MBOAT1: variants seen among roughly 807,000 people sequenced by gnomAD.
MBOAT1 encodes the protein membrane bound glycerophospholipid O-acyltransferase 1, also known as membrane-bound glycerophospholipid O-acyltransferase 1.
In MBOAT1, 67 loss-of-function variants were observed where a neutral mutation model predicts 64.4. The observed-to-expected ratio is 1.04, with a 90% CI of 0.85 to 1.27. The LOEUF is 1.27. Ranked by LOEUF, MBOAT1 falls within the 50% of genes most tolerant of loss-of-function variation. The pLI is 0.00. For missense variants in MBOAT1, 563 were observed against 604.6 expected, an observed-to-expected ratio of 0.93 and a Z score of 0.72; for synonymous variants, 229 against 218.9, an observed-to-expected ratio of 1.05 and a Z score of -0.41.
At chr6:20,150,706 G>A (rs1427144219) in intron 3 of MBOAT1, among the ~76,000 whole-genome samples, 1 of 150,226 alleles carries the variant, frequency 6.7e-6, no homozygotes, top group Non-Finnish European at 1.5e-5. Context: ...TGGGACTATA[G>A]GTGCGCACCA....
intron 3 of MBOAT1, among the ~76,000 whole-genome samples, chr6:20,149,626 T>C (rs1399874429): frequency 6.6e-6 from 1 of 152,132 alleles, no homozygotes; most frequent in Non-Finnish European, 1.5e-5. Context: ...CTAGAAGAAG[T>C]GACACTATCC....
Position 20,155,000 on chromosome 6 carries a change from A to T in MBOAT1, c.100-2231T>A, listed in dbSNP as rs574192363. On this transcript the variant is annotated intron_variant, in intron 1 of 12. Coordinates refer to ENST00000324607, the MANE Select transcript of MBOAT1 (RefSeq NM_001080480.3). The stretch of plus-strand genomic sequence containing the variant: ...AAAGTTATAATAAGTGACAGATCAC[A>T]TGTTCTTTCATTCTCACAGCCCAGC... Among the ~76,000 whole-genome samples, 4 of 152,356 alleles carry T rather than the reference A, an allele frequency of 2.6e-5. No individual in the cohort carries two copies. The East Asian group carries it at 7.7e-4, about 29-fold the overall frequency.
intron 1 of MBOAT1, among the ~76,000 whole-genome samples, chr6:20,160,299 C>T (rs1304642493): frequency 2.0e-5 from 3 of 152,180 alleles, no homozygotes; most frequent in Non-Finnish European, 4.4e-5. Flanking sequence ...AAAAACACTG[C>T]CTTTCTCCTA....
intron 4 of MBOAT1, among the ~76,000 whole-genome samples, chr6:20,133,800 T>C (rs958183645): frequency 3.3e-4 from 51 of 152,292 alleles, no homozygotes; most frequent in Middle Eastern, 3.4e-3. Flanking sequence ...GCAAAACATT[T>C]AGTAGCCTGA....
intron 1 of MBOAT1, among the ~76,000 whole-genome samples, chr6:20,182,162 A>G: frequency 6.6e-6 from 1 of 152,346 alleles, no homozygotes; most frequent in Non-Finnish European, 1.5e-5. Flanking sequence ...ATAACAAAAT[A>G]CCTTAGACTA....
At chr6:20,115,577 A>G (rs984367937) in intron 9 of MBOAT1, among the ~76,000 whole-genome samples, 22 of 152,290 alleles carry the variant, frequency 1.4e-4, no homozygotes, top group African/African-American at 5.3e-4. Context: ...TTTTTTTTCA[A>G]CATGTATTTT....
intron 1 of MBOAT1, among the ~76,000 whole-genome samples, chr6:20,171,382 TAAAAAAA>T (rs34821586): frequency 2.6e-5 from 3 of 113,310 alleles, no homozygotes; most frequent in African/African-American, 6.8e-5. Context: ...ACAAAAAACT[TAAAAAAA>T]AAAAAAAAAA....
In MBOAT1 at chr6:20,134,043, A is replaced by G. The variant is rs1030277021; in HGVS notation, c.420-2844T>C. ...ATTCAAGGACTCTACTGAATTTGCC[A>G]AAACTGTCTTAGAACTGCACTCCAA... On this transcript the variant is annotated intron_variant, in intron 4 of 12. Transcript: ENST00000324607. Among the ~76,000 whole-genome samples the G allele has an allele frequency of 2.6e-5, 4 of 152,212 alleles. No individual in the cohort carries two copies. The East Asian group carries it at 7.7e-4, about 29-fold the overall frequency.
At chr6:20,155,740 A>G (rs992638332) in intron 1 of MBOAT1, among the ~76,000 whole-genome samples, 15 of 152,316 alleles carry the variant, frequency 9.8e-5, no homozygotes, top group Admixed American at 3.3e-4. Flanking sequence ...CTCCAACTAG[A>G]GGCTTCACCA....
intron 1 of MBOAT1, among the ~76,000 whole-genome samples, chr6:20,177,540 G>A (rs939005558): frequency 2.6e-5 from 4 of 152,044 alleles, no homozygotes; most frequent in Non-Finnish European, 5.9e-5. Context: ...TTGGGAGGCC[G>A]AGGTGGGTGG....
At chr6:20,184,258 C>T (rs574423352) in intron 1 of MBOAT1, among the ~76,000 whole-genome samples, 9 of 152,270 alleles carry the variant, frequency 5.9e-5, no homozygotes, top group Non-Finnish European at 7.4e-5. Flanking sequence ...CAGGTGCCAG[C>T]GCTGATGTGG....
chr6:20,166,784 A>T (rs540015805), intron 1 of MBOAT1, among the ~76,000 whole-genome samples: 95 of 152,086 alleles, frequency 6.2e-4, no homozygotes, highest in African/African-American at 2.1e-3. Context: ...TGAAAAATTT[A>T]AAAAATTACC....
At chr6:20,111,893 T>TACATATATATACA (rs1491191628) in intron 11 of MBOAT1, among the ~76,000 whole-genome samples, 2 of 140,658 alleles carry the variant, frequency 1.4e-5, no homozygotes, top group East Asian at 2.0e-4. Flanking sequence ...TATATATATA[T>TACATATATATACA]TCCAGCACAC....
rs1158455991 is a variant in MBOAT1, at chr6:20,109,902, C to CTTT, written c.1210-156_1210-154dup. 1.6e-3 allele frequency among the ~76,000 whole-genome samples: 153 copies of CTTT among 94,126 alleles called. 2 individuals carry two copies. Among genetic ancestry groups the CTTT allele is most frequent in the African/African-American group, 2.0e-3 (44 of 21,994 alleles). The allele number at this position is 94,126 out of a possible 152,430, so 61.8% of individuals were successfully genotyped here. A position where few individuals can be genotyped will look rare whatever the true frequency, so the allele number is the denominator to read the frequency against. ...TTTTCGACTACAAATACCATCAGGACTTTTTTTTTTTTTTTTTTTTTTTTT... is the reference window on the plus strand; with the variant it reads ...TTTTCGACTACAAATACCATCAGGACTTTTTTTTTTTTTTTTTTTTTTTTTTTT... On this transcript the variant is annotated intron_variant, in intron 11 of 12. Transcript: ENST00000324607.
At position 20,152,675 on chromosome 6, in the gene MBOAT1, T is replaced by A. The variant is rs765262767; in HGVS notation, c.194A>T (p.His65Leu). 1 of 1,612,040 alleles carries A rather than the reference T, an allele frequency of 6.2e-7. No homozygotes were observed. Among genetic ancestry groups the A allele is most frequent in the Non-Finnish European group, 8.5e-7 (1 of 1,178,638 alleles). The change falls in exon 2 of 13, where the codon CAT becomes CTT. Residue 65 changes from histidine (H) to leucine (L), a missense_variant. Coordinates refer to ENST00000324607, the MANE Select transcript of MBOAT1 (RefSeq NM_001080480.3). Reference protein sequence around the residue: ...RPGTTSSDVRHAVATIFGIYF... With the variant: ...RPGTTSSDVRLAVATIFGIYF... ...GATGCCAAAAATGGTGGCAACCGCA[T>A]GCCGGACATCAGAGCTGGTTGTACC...
intron 4 of MBOAT1, among the ~76,000 whole-genome samples, chr6:20,136,274 A>T (rs1471287042): frequency 6.6e-6 from 1 of 152,244 alleles, no homozygotes; most frequent in Non-Finnish European, 1.5e-5. Flanking sequence ...GAATTAGAGT[A>T]GGAAAGCTTT....
At chr6:20,198,486 T>C (rs767318917) in intron 1 of MBOAT1, among the ~76,000 whole-genome samples, 5 of 152,212 alleles carry the variant, frequency 3.3e-5, no homozygotes, top group African/African-American at 4.8e-5. Context: ...CTATCTATCA[T>C]TGCCTAACTA....
At chr6:20,183,821 C>G (rs1373582521) in intron 1 of MBOAT1, among the ~76,000 whole-genome samples, 2 of 152,334 alleles carry the variant, frequency 1.3e-5, no homozygotes, top group South Asian at 4.1e-4. Context: ...GACAAAGAGG[C>G]TGAATTGGAC....
chr6:20,105,792 A>G (rs1211444999), intron 12 of MBOAT1, among the ~76,000 whole-genome samples: 1 of 152,228 alleles, frequency 6.6e-6, no homozygotes, highest in East Asian at 1.9e-4. Flanking sequence ...AAAAACAAAT[A>G]GAAAAACAAA....
Sources: gnomAD v4.1 joint callset for allele counts (sites outside exome capture counted in the v4.1 genomes callset) on GRCh38, gnomAD v4.1.1 for gene constraint, MANE v1.5 for transcripts, NCBI Gene and HGNC (gene_info 2026-07-23, HGNC 2026-07-21) for gene names.